The following CSMD3 variants were observed in gnomAD, a reference collection of about 807,000 sequenced individuals.
CSMD3 encodes the protein CUB and Sushi multiple domains 3.
A neutral mutation model predicts 435.2 loss-of-function variants in CSMD3; 177 were observed. That is an observed-to-expected ratio of 0.41 (90% CI 0.36 to 0.46). CSMD3 has a LOEUF of 0.46. Ranked by LOEUF, CSMD3 falls within the 20% of genes least tolerant of loss-of-function variation. The probability of loss-of-function intolerance (pLI) is 0.34; values close to 1 mark genes in which losing one functional copy is unlikely to be tolerated. For missense variants in CSMD3, 4,265 were observed against 4,504.6 expected, an observed-to-expected ratio of 0.95 and a Z score of 1.52; for synonymous variants, 1,656 against 1,520.5, an observed-to-expected ratio of 1.09 and a Z score of -2.07.
intron 13 of CSMD3, among the ~76,000 whole-genome samples, chr8:112,748,478 C>G (rs144555612): frequency 1.3e-5 from 2 of 151,930 alleles, no homozygotes; most frequent in South Asian, 2.1e-4. Context: ...ATCTTTTCTG[C>G]GCCTCTCCCT....
intron 60 of CSMD3, 46 bp from the exon 61 acceptor site, chr8:112,263,858 T>C (rs2130388205): frequency 1.3e-6 from 2 of 1,518,694 alleles, no homozygotes; most frequent in Non-Finnish European, 1.8e-6. Context: ...TGAAATATCC[T>C]GAGCCTTAAA....
At chr8:112,354,545 T>C (rs574045388) in intron 38 of CSMD3, among the ~76,000 whole-genome samples, 6 of 152,302 alleles carry the variant, frequency 3.9e-5, no homozygotes, top group African/African-American at 1.4e-4. Flanking sequence ...AGCATTTATA[T>C]ACACCAACAA....
intron 28 of CSMD3, among the ~76,000 whole-genome samples, chr8:112,516,553 G>A (rs1421141154): frequency 6.6e-6 from 1 of 152,114 alleles, no homozygotes; most frequent in African/African-American, 2.4e-5. Context: ...AGGCGCTACA[G>A]CTTCTTAGAT....
chr8:112,426,367 G>T (rs1157757828), intron 32 of CSMD3, among the ~76,000 whole-genome samples: 1 of 151,948 alleles, frequency 6.6e-6, no homozygotes, highest in Non-Finnish European at 1.5e-5. Context: ...TATAAACATA[G>T]TCATGTTTAA....
In CSMD3 at chr8:112,372,969, A is replaced by AT. The variant is rs1256298742; in HGVS notation, c.6136+7382_6136+7383insA. On this transcript the variant is annotated intron_variant, in intron 38 of 70. Coordinates refer to ENST00000297405, the MANE Select transcript of CSMD3 (RefSeq NM_198123.2). ...TGTGTAGTAACTCTGCCAGCAGAAA[A>AT]AATATATATATATATATTTATATTT... 1.6e-3 allele frequency among the ~76,000 whole-genome samples: 184 copies of AT among 115,296 alleles called. 1 individual carries two copies. The highest frequency in any genetic ancestry group is 4.8e-3 in the African/African-American group (171 of 35,964). 75.6% of individuals were successfully genotyped at this position (115,296 alleles called of 152,430 possible).
chr8:113,228,919 T>G (rs2093055838), intron 3 of CSMD3, among the ~76,000 whole-genome samples: 1 of 151,586 alleles, frequency 6.6e-6, no homozygotes, highest in Non-Finnish European at 1.5e-5. Context: ...TTAGTGCCCA[T>G]CCATGCAAAA....
intron 27 of CSMD3, among the ~76,000 whole-genome samples, chr8:112,528,129 C>T (rs981321575): frequency 6.6e-6 from 1 of 152,040 alleles, no homozygotes; most frequent in Non-Finnish European, 1.5e-5. Flanking sequence ...AGTTCATCAC[C>T]ACTTTTTAAA....
At position 112,337,974 on chromosome 8, in the gene CSMD3, T is replaced by A. The variant is rs183234353; in HGVS notation, c.6653-243A>T. 3.3e-5 allele frequency among the ~76,000 whole-genome samples: 5 copies of A among 152,306 alleles called. No homozygotes were observed. The East Asian group carries it at 9.7e-4, about 29-fold the overall frequency. ...AAAAACGCATGCTTTCTTCACCTAC[T>A]TGTGCAACCCAACTAAATTATGTTT... is the stretch of plus-strand genomic sequence containing the variant. On this transcript the variant is annotated intron_variant, in intron 42 of 70. Coordinates refer to ENST00000297405, the MANE Select transcript of CSMD3 (RefSeq NM_198123.2).
Position 112,997,726 on chromosome 8 carries a change from A to C in CSMD3, c.1030+21341T>G, listed in dbSNP as rs896270941. Among the ~76,000 whole-genome samples the C allele has an allele frequency of 4.0e-5, 6 of 151,684 alleles. No homozygotes were observed. The East Asian group carries it at 1.2e-3, about 29-fold the overall frequency. The stretch of plus-strand genomic sequence containing the variant: ...TTTTTATGCTAAATCTCTCCTATTA[A>C]TTTGGTTCTCACAATAAGGTAAACT... On this transcript the variant is annotated intron_variant, in intron 6 of 70. Transcript: ENST00000297405.
At chr8:112,786,825 T>C (rs1050524232) in intron 13 of CSMD3, among the ~76,000 whole-genome samples, 1 of 152,050 alleles carries the variant, frequency 6.6e-6, no homozygotes, top group African/African-American at 2.4e-5. Context: ...GTCATGGTGG[T>C]TTGCTGCATG....
chr8:112,423,945 T>TAA (rs1812789270), intron 32 of CSMD3, among the ~76,000 whole-genome samples: 1 of 152,180 alleles, frequency 6.6e-6, no homozygotes, highest in African/African-American at 2.4e-5. Flanking sequence ...AATTACTTAA[T>TAA]ATGCTATAAT....
chr8:112,425,348 T>C (rs975701917), intron 32 of CSMD3, among the ~76,000 whole-genome samples: 1 of 152,206 alleles, frequency 6.6e-6, no homozygotes, highest in African/African-American at 2.4e-5. Context: ...TAATTTGGAC[T>C]TAATTTATAG....
intron 11 of CSMD3, among the ~76,000 whole-genome samples, chr8:112,855,350 C>T (rs2080617878): frequency 6.6e-6 from 1 of 152,066 alleles, no homozygotes; most frequent in African/African-American, 2.4e-5. Flanking sequence ...ATTTCTACTC[C>T]AATTTCACAA....
At chr8:112,321,926 GA>G (rs147063086) in intron 45 of CSMD3, among the ~76,000 whole-genome samples, 5,276 of 152,152 alleles carry the variant, frequency 0.035, 309 homozygotes, top group African/African-American at 0.12. Context: ...TTGTTTTCCT[GA>G]ACTTATACTT....
At chr8:112,861,324 G>A (rs1398217044) in intron 10 of CSMD3, among the ~76,000 whole-genome samples, 3 of 151,762 alleles carry the variant, frequency 2.0e-5, no homozygotes, top group South Asian at 2.1e-4. Flanking sequence ...ATCTATTTCC[G>A]ATGGAATAAA....
rs138141572 is a variant in CSMD3 at position 113,102,351 on chromosome 8, T to C, written c.710-3388A>G. Among the ~76,000 whole-genome samples, 500 of 152,246 alleles carry C rather than the reference T, an allele frequency of 3.3e-3. 3 individuals carry two copies. Among genetic ancestry groups the C allele is most frequent in the African/African-American group, 0.01 (430 of 41,566 alleles). On this transcript the variant is annotated intron_variant, in intron 4 of 70. Coordinates refer to ENST00000297405, the MANE Select transcript of CSMD3 (RefSeq NM_198123.2). The stretch of plus-strand genomic sequence containing the variant: ...CTTCTTGTGAAACAAAATTTATTCA[T>C]TTTGTCATCTGTCCAAAAAGTATTC...
At chr8:113,335,565 G>GTTTTTTTTTTTTTTTTTTTTTTTTT (rs1263100966) in intron 1 of CSMD3, among the ~76,000 whole-genome samples, 3 of 98,126 alleles carry the variant, frequency 3.1e-5, no homozygotes, top group African/African-American at 4.5e-5. Flanking sequence ...TTTTTTTTGG[G>GTTTTTTTTTTTTTTTTTTTTTTTTT]TATTTACATG....
At chr8:112,320,997 T>C (rs1413553672) in intron 45 of CSMD3, among the ~76,000 whole-genome samples, 1 of 152,162 alleles carries the variant, frequency 6.6e-6, no homozygotes, top group Non-Finnish European at 1.5e-5. Flanking sequence ...AAAGTCTCTA[T>C]GAATCCAAGC....
At chr8:112,833,452 C>G (rs547471597) in intron 11 of CSMD3, among the ~76,000 whole-genome samples, 7 of 152,018 alleles carry the variant, frequency 4.6e-5, no homozygotes, top group Non-Finnish European at 1.0e-4. Flanking sequence ...ATTGATCTAA[C>G]TAGGCACTGG....
Sources: gnomAD v4.1 joint callset for allele counts (sites outside exome capture counted in the v4.1 genomes callset) on GRCh38, gnomAD v4.1.1 for gene constraint, MANE v1.5 for transcripts, NCBI Gene and HGNC (gene_info 2026-07-23, HGNC 2026-07-21) for gene names.